The following CCDC88A variants were observed in gnomAD, a reference collection of about 807,000 sequenced individuals.
CCDC88A encodes girdin.
A neutral mutation model predicts 234.3 loss-of-function variants in CCDC88A; 54 were observed. The ratio of observed to expected loss-of-function variants is 0.23; its 90% CI spans 0.19 to 0.29. The LOEUF (loss-of-function observed/expected upper bound fraction) is 0.29. Among genes scored for constraint, CCDC88A ranks in the 10% least tolerant of loss-of-function variants. The pLI is 1.00. For missense variants in CCDC88A, 1,832 were observed against 2,123.4 expected, an observed-to-expected ratio of 0.86 and a Z score of 2.70; for synonymous variants, 753 against 737.8, an observed-to-expected ratio of 1.02 and a Z score of -0.33.
Position 55,291,048 on chromosome 2 carries a change from G to A in CCDC88A, c.*152C>T, listed in dbSNP as rs779144339. ...TGTATTTCTTGCCTGCTCTATTCAC[G>A]AAGGACTGTTAAAAGTCTCCTTAAA... On this transcript the variant is annotated 3_prime_UTR_variant, in exon 33 of 33. Transcript: ENST00000436346. 3.9e-4 allele frequency: 60 copies of A among 152,490 alleles called. 1 individual carries two copies. The highest frequency in any genetic ancestry group is 3.7e-4 in the Non-Finnish European group (25 of 67,950). 9.4% of individuals were successfully genotyped at this position (152,490 alleles called of 1,614,324 possible). A position where few individuals can be genotyped will look rare whatever the true frequency, so the allele number is the denominator to read the frequency against.
At chr2:55,378,321 G>A (rs963888662) in intron 3 of CCDC88A, among the ~76,000 whole-genome samples, 6 of 152,100 alleles carry the variant, frequency 3.9e-5, no homozygotes, top group Non-Finnish European at 7.4e-5. Context: ...TCATCTTTAC[G>A]CTATGAAGTC....
intron 4 of CCDC88A, 50 bp from the exon 5 acceptor site, chr2:55,372,560 C>T (rs373100726): frequency 4.5e-6 from 4 of 883,962 alleles, no homozygotes; most frequent in Non-Finnish European, 7.3e-6. Context: ...ATTTTCAACT[C>T]TATTATATTT....
Position 55,296,346 on chromosome 2 carries a change from T to C in CCDC88A, c.5003A>G (p.His1668Arg), listed in dbSNP as rs1680027822. ...AGGGGAACCAGTTTTGATCTTGTGA[T>C]GTCGACTCTCCAGTGTTTCAGATAT... ...HKISETLESR[H>R]HKIKTGSPGS... The change falls in exon 30 of 33, where the codon CAT becomes CGT. Residue 1668 changes from histidine to arginine, a missense_variant. Transcript: ENST00000436346. 6.2e-7 allele frequency: 1 copy of C among 1,614,112 alleles called. No individual in the cohort carries two copies. The highest frequency in any genetic ancestry group is 1.1e-5 in the South Asian group (1 of 91,094).
intron 31 of CCDC88A, chr2:55,294,638 G>A: frequency 2.0e-6 from 2 of 990,128 alleles, no homozygotes; most frequent in South Asian, 4.6e-5. Flanking sequence ...GTCAGAGCAA[G>A]TGAGGGGTGG....
rs1475023826 is a variant in CCDC88A, at chr2:55,309,753, G to A, written c.4080-499C>T. 6.6e-6 allele frequency among the ~76,000 whole-genome samples: 1 copy of A among 152,024 alleles called. No individual in the cohort carries two copies. Among genetic ancestry groups the A allele is most frequent in the Non-Finnish European group, 1.5e-5 (1 of 68,006 alleles). On this transcript the variant is annotated intron_variant, in intron 23 of 32. Coordinates refer to ENST00000436346, the MANE Select transcript of CCDC88A (RefSeq NM_001365480.1). This position sits in a 1 kb window ranked among gnomAD's most constrained non-coding sequence, Gnocchi z 5.1. ...ATTGTCTCTAAGAAAACCCCACAAT[G>A]CCAAAGAATACTATTTACTTCAGAA...
At chr2:55,327,360 C>CA (rs1436572488) in intron 17 of CCDC88A, among the ~76,000 whole-genome samples, 1 of 152,134 alleles carries the variant, frequency 6.6e-6, no homozygotes, top group Non-Finnish European at 1.5e-5. Context: ...TTGGTATGTG[C>CA]ACTGTGGGAA....
chr2:55,419,848 C>G lies in CCDC88A; in HGVS notation c.-769G>C, dbSNP rs1682027062. Reference sequence around the variant, plus strand: ...CCTTCTCCGCCCTCTATGGAGAAGCCGGAGTAACGGCCTCAGAACCGCAGT... The same window carrying G: ...CCTTCTCCGCCCTCTATGGAGAAGCGGGAGTAACGGCCTCAGAACCGCAGT... On this transcript the variant is annotated 5_prime_UTR_variant, in exon 1 of 33. Transcript: ENST00000436346. 1 of 152,160 alleles carries G rather than the reference C, an allele frequency of 6.6e-6. No homozygotes were observed. The highest frequency in any genetic ancestry group is 1.5e-5 in the Non-Finnish European group (1 of 68,116). 9.4% of individuals were successfully genotyped at this position (152,160 alleles called of 1,614,324 possible). A position where few individuals can be genotyped will look rare whatever the true frequency, so the allele number is the denominator to read the frequency against.
At chr2:55,372,533 G>T in intron 4 of CCDC88A, 23 bp from the exon 5 acceptor site, 2 of 1,130,400 alleles carry the variant, frequency 1.8e-6, no homozygotes, top group Non-Finnish European at 2.6e-6. Flanking sequence ...CAATTATTAA[G>T]GACAACATTC....
intron 7 of CCDC88A, among the ~76,000 whole-genome samples, chr2:55,358,336 G>C (rs1670856612): frequency 6.6e-6 from 1 of 152,116 alleles, no homozygotes; most frequent in African/African-American, 2.4e-5. Context: ...ATTCAAGTTT[G>C]ACTCTATCGC....
intron 31 of CCDC88A, 89 bp from the exon 32 acceptor site, chr2:55,291,864 G>T: frequency 1.1e-6 from 1 of 911,458 alleles, no homozygotes; most frequent in Non-Finnish European, 1.7e-6. Flanking sequence ...ACTGAGTAGG[G>T]CAAGGAGAAG....
At chr2:55,305,878 T>TG (rs1431457946) in intron 25 of CCDC88A, among the ~76,000 whole-genome samples, 4 of 151,538 alleles carry the variant, frequency 2.6e-5, no homozygotes, top group African/African-American at 9.7e-5. Flanking sequence ...AAAAACTTCC[T>TG]TTAAAAAAAA....
At chr2:55,396,043 TATTTAGGCAA>T (rs929389255) in intron 2 of CCDC88A, among the ~76,000 whole-genome samples, 1 of 150,862 alleles carries the variant, frequency 6.6e-6, no homozygotes, top group Admixed American at 6.7e-5. Context: ...AACCCTGTTT[TATTTAGGCAA>T]TCCATTCTGG....
chr2:55,349,719 C>A, intron 8 of CCDC88A, 120 bp from the exon 9 acceptor site: 5 of 577,474 alleles, frequency 8.7e-6, no homozygotes, highest in South Asian at 5.4e-5. Flanking sequence ...TTAGCCATAA[C>A]CCTAATCTAG....
At chr2:55,417,396 T>C (rs1305640181) in intron 2 of CCDC88A, 2 of 152,002 alleles carry the variant, frequency 1.3e-5, no homozygotes, top group African/African-American at 4.8e-5. Flanking sequence ...TTCTGTCATG[T>C]AGGTTCCCCA....
rs1267803813 is a variant in CCDC88A, at chr2:55,317,340, C to T, written c.3612G>A (p.Gln1204=). 3.4e-6 allele frequency: 5 copies of T among 1,481,790 alleles called. No homozygotes were observed. The highest frequency in any genetic ancestry group is 4.5e-6 in the Non-Finnish European group (5 of 1,112,466). 91.8% of individuals were successfully genotyped at this position (1,481,790 alleles called of 1,614,324 possible). ...EHRDLEDRYN[Q]LLKQKGQLED... is the part of the protein sequence containing the mutation. ...CCAACTGTCCTTTCTGTTTTAATAA[C>T]TGATTGTAACTGGGGGGAAAAAAGG... The change falls in exon 21 of 33, where the codon CAG becomes CAA. Residue 1204 remains glutamine, a synonymous_variant. Transcript: ENST00000436346. This position sits in a 1 kb window ranked among gnomAD's most constrained non-coding sequence, Gnocchi z 4.2.
intron 2 of CCDC88A, among the ~76,000 whole-genome samples, chr2:55,392,809 C>T (rs962771159): frequency 1.5e-4 from 23 of 152,184 alleles, no homozygotes; most frequent in Admixed American, 1.5e-3. Context: ...TCTCACTGAT[C>T]TCAGATTCCC....
chr2:55,398,099 G>T (rs1352598192), intron 2 of CCDC88A, among the ~76,000 whole-genome samples: 1 of 152,148 alleles, frequency 6.6e-6, no homozygotes, highest in Admixed American at 6.5e-5. Flanking sequence ...CTTAAAGATA[G>T]GTGAATGAAA....
Position 55,387,917 on chromosome 2 carries a change from A to G in CCDC88A, c.273+861T>C, listed in dbSNP as rs549769288. Among the ~76,000 whole-genome samples, 11 of 152,330 alleles carry G rather than the reference A, an allele frequency of 7.2e-5. No individual in the cohort carries two copies. The East Asian group carries it at 7.7e-4, about 11-fold the overall frequency. On this transcript the variant is annotated intron_variant, in intron 3 of 32. Transcript: ENST00000436346. The stretch of plus-strand genomic sequence containing the variant: ...GCACCTAATAACAGGTTCAAAGTCT[A>G]TAAGACAAAATTTGATAAATTCATC...
chr2:55,362,337 G>C lies in CCDC88A; in HGVS notation c.598C>G (p.Leu200Val). The C allele has an allele frequency of 1.3e-6, 2 of 1,591,742 alleles. No individual in the cohort carries two copies. Among genetic ancestry groups the C allele is most frequent in the South Asian group, 1.1e-5 (1 of 87,472 alleles). ...GAATGTTCATCTCTCTCATCTATAA[G>C]TCTTTTTAGATGCAATGCCATATTT... ...LKNMALHLKR[L>V]IDERDEHSET... The change falls in exon 7 of 33, where the codon CTT becomes GTT. Residue 200 changes from leucine (L) to valine (V), a missense_variant. Coordinates refer to ENST00000436346, the MANE Select transcript of CCDC88A (RefSeq NM_001365480.1).
Sources: gnomAD v4.1 joint callset for allele counts (sites outside exome capture counted in the v4.1 genomes callset) on GRCh38, gnomAD v4.1.1 for gene constraint, Gnocchi (gnomAD v3.1) non-coding constraint, MANE v1.5 for transcripts, NCBI Gene and HGNC (gene_info 2026-07-23, HGNC 2026-07-21) for gene names.